BDH1: variants seen among roughly 807,000 people sequenced by gnomAD.
BDH1 encodes 3-hydroxybutyrate dehydrogenase 1.
A neutral mutation model predicts 33.1 loss-of-function variants in BDH1; 30 were observed. That is an observed-to-expected ratio of 0.91 (90% CI 0.68 to 1.23). BDH1 has a LOEUF of 1.23. BDH1 is among the 50% of genes most tolerant of loss of function. The probability of loss-of-function intolerance (pLI) is 0.00; values close to 1 mark genes in which losing one functional copy is unlikely to be tolerated. For synonymous variants in BDH1, 190 were observed against 183.6 expected, an observed-to-expected ratio of 1.03 and a Z score of -0.28; for missense variants, 443 against 464.4, an observed-to-expected ratio of 0.95 and a Z score of 0.42.
intron 2 of BDH1, among the ~76,000 whole-genome samples, chr3:197,550,324 T>A (rs1716451527): frequency 6.6e-6 from 1 of 152,164 alleles, no homozygotes; most frequent in East Asian, 1.9e-4. Flanking sequence ...GACACCTTGA[T>A]CGTCCTGAGA....
At position 197,546,344 on chromosome 3, in the gene BDH1, C is replaced by G. The variant is rs758464306; in HGVS notation, c.83+17G>C. On this transcript the variant is annotated intron_variant, in intron 3 of 7. Transcript: ENST00000392379. ...GAAAGTGTCCCCTCAAGGCCACCAC[C>G]ACCTCTGGTTGCTTACCTTGCTCCA... 1.9e-6 allele frequency: 3 copies of G among 1,613,792 alleles called. No homozygotes were observed. Among genetic ancestry groups the G allele is most frequent in the Middle Eastern group, 1.7e-4 (1 of 5,998 alleles).
At position 197,512,226 on chromosome 3, in the gene BDH1, C is replaced by A. The variant is rs1184027978; in HGVS notation, c.701G>T (p.Ser234Ile). 1 of 1,613,692 alleles carries A rather than the reference C, an allele frequency of 6.2e-7. No homozygotes were observed. The highest frequency in any genetic ancestry group is 8.5e-7 in the Non-Finnish European group (1 of 1,180,032). The stretch of plus-strand genomic sequence containing the variant: ...GATGAAGTTGCCGGGCTCCACCACG[C>A]TGACCTTCACGCCCAGGGGGTACAT... ...YEMYPLGVKV[S>I]VVEPGNFIAA... is the part of the protein sequence containing the mutation. Residue 234 changes from serine to isoleucine, a missense_variant, in exon 8 of 8, where the codon AGC (serine) becomes ATC (isoleucine). Transcript: ENST00000392379.
intron 1 of BDH1, among the ~76,000 whole-genome samples, chr3:197,569,668 C>T (rs577411832): frequency 6.6e-6 from 1 of 152,288 alleles, no homozygotes; most frequent in Admixed American, 6.5e-5. Flanking sequence ...TTTTGCTTGG[C>T]TTTCATCCTC....
In BDH1 at chr3:197,516,014, T is replaced by C. The variant is rs889306813; in HGVS notation, c.410-1598A>G. 2.6e-5 allele frequency among the ~76,000 whole-genome samples: 4 copies of C among 152,032 alleles called. No homozygotes were observed. Among genetic ancestry groups the C allele is most frequent in the African/African-American group, 9.7e-5 (4 of 41,394 alleles). ...CACGCAGTCTCCAGGGTCTCCAGGG[T>C]GGTACACCAAGGACCTCACCCCCAG... On this transcript the variant is annotated intron_variant, in intron 6 of 7. Transcript: ENST00000392379. This position sits in a 1 kb window ranked among gnomAD's most constrained non-coding sequence, Gnocchi z 4.2.
intron 2 of BDH1, among the ~76,000 whole-genome samples, chr3:197,551,301 C>A (rs1161129521): frequency 6.6e-6 from 1 of 152,206 alleles, no homozygotes; most frequent in Non-Finnish European, 1.5e-5. Context: ...TTAGCTCCTA[C>A]AAATAAGTGA....
chr3:197,553,878 A>G (rs564910643), intron 2 of BDH1, among the ~76,000 whole-genome samples: 49 of 152,348 alleles, frequency 3.2e-4, no homozygotes, highest in African/African-American at 1.1e-3. Flanking sequence ...AGGAAGAATC[A>G]AAGCCATTTC....
At chr3:197,536,549 C>T (rs1051353589) in intron 3 of BDH1, among the ~76,000 whole-genome samples, 1 of 152,106 alleles carries the variant, frequency 6.6e-6, no homozygotes, top group Non-Finnish European at 1.5e-5. Flanking sequence ...AGCATTTAAA[C>T]CATACATGCG....
chr3:197,544,097 A>G (rs1304961367), intron 3 of BDH1, among the ~76,000 whole-genome samples: 5 of 152,226 alleles, frequency 3.3e-5, no homozygotes, highest in African/African-American at 7.2e-5. Flanking sequence ...GCCCTTTCCA[A>G]CTGAGACTCA....
chr3:197,531,418 A>ATATATATATATATATATGTGT (rs1553872383), intron 5 of BDH1, among the ~76,000 whole-genome samples: 3 of 137,260 alleles, frequency 2.2e-5, no homozygotes, highest in African/African-American at 8.3e-5. Context: ...TTAAAAAAAA[A>ATATATATATATATATATGTGT]ATATATATAT....
At chr3:197,527,263 G>C (rs1714190469) in intron 5 of BDH1, among the ~76,000 whole-genome samples, 1 of 152,248 alleles carries the variant, frequency 6.6e-6, no homozygotes, top group Non-Finnish European at 1.5e-5. Flanking sequence ...TGAGAGCATA[G>C]AGTCAAGAAA....
intron 2 of BDH1, among the ~76,000 whole-genome samples, chr3:197,546,996 T>A (rs559253992): frequency 5.3e-5 from 8 of 152,158 alleles, no homozygotes; most frequent in Non-Finnish European, 1.2e-4. Flanking sequence ...TCCACCTCTT[T>A]CCCCCATGCG....
intron 6 of BDH1, among the ~76,000 whole-genome samples, chr3:197,517,397 G>A (rs1712881848): frequency 1.4e-5 from 1 of 70,852 alleles, no homozygotes; most frequent in East Asian, 4.4e-4. Context: ...CCCCTCCTCA[G>A]GCTGACCCCC....
At chr3:197,567,408 T>C (rs1476205094) in intron 1 of BDH1, among the ~76,000 whole-genome samples, 1 of 152,198 alleles carries the variant, frequency 6.6e-6, no homozygotes, top group Non-Finnish European at 1.5e-5. Context: ...TTGCCTCCTT[T>C]GGAAAGGCTA....
intron 5 of BDH1, among the ~76,000 whole-genome samples, chr3:197,524,820 G>A (rs1713929972): frequency 6.6e-6 from 1 of 152,078 alleles, no homozygotes; most frequent in South Asian, 2.1e-4. Context: ...AGGAGGTCGG[G>A]CTGATCTCCC....
chr3:197,567,288 C>CA (rs1717464234), intron 1 of BDH1, among the ~76,000 whole-genome samples: 2 of 152,120 alleles, frequency 1.3e-5, no homozygotes. Context: ...CTTGGGGTCC[C>CA]AAAATCACTA....
chr3:197,518,045 C>T (rs1713005649), intron 6 of BDH1, among the ~76,000 whole-genome samples: 1 of 5,034 alleles, frequency 2.0e-4, no homozygotes, highest in African/African-American at 9.2e-4. Flanking sequence ...CAGGCTGACC[C>T]CCCCCATCAG....
In BDH1 at chr3:197,523,157, C is replaced by A. The variant is rs1280574322; in HGVS notation, c.268-376G>T. On this transcript the variant is annotated intron_variant, in intron 5 of 7. Coordinates refer to ENST00000392379, the MANE Select transcript of BDH1 (RefSeq NM_203314.3). This position sits in a 1 kb window ranked among gnomAD's most constrained non-coding sequence, Gnocchi z 4.5. ...GAAACCCAGGGTTGCCAGATGCTTACATTTTTAAGCTAGTAATTGGGAAAT... is the reference window on the plus strand; with the variant it reads ...GAAACCCAGGGTTGCCAGATGCTTAAATTTTTAAGCTAGTAATTGGGAAAT... 2 of 219,966 alleles carry A rather than the reference C, an allele frequency of 9.1e-6. No individual in the cohort carries two copies. Among genetic ancestry groups the A allele is most frequent in the Non-Finnish European group, 1.8e-5 (2 of 113,238 alleles). 13.6% of individuals were successfully genotyped at this position (219,966 alleles called of 1,614,324 possible).
At chr3:197,537,882 C>A (rs1384552649) in intron 3 of BDH1, among the ~76,000 whole-genome samples, 1 of 152,162 alleles carries the variant, frequency 6.6e-6, no homozygotes, top group Admixed American at 6.5e-5. Flanking sequence ...CTGCACTGGT[C>A]ATTTGGCTAG....
At chr3:197,533,689 T>A in intron 3 of BDH1, 128 bp from the exon 4 acceptor site, 1 of 815,184 alleles carries the variant, frequency 1.2e-6, no homozygotes, top group Non-Finnish European at 2.0e-6. Flanking sequence ...TACAACTGAG[T>A]AAGAGGCCCT....
Sources: gnomAD v4.1 joint callset for allele counts (sites outside exome capture counted in the v4.1 genomes callset) on GRCh38, gnomAD v4.1.1 for gene constraint, Gnocchi (gnomAD v3.1) non-coding constraint, MANE v1.5 for transcripts, NCBI Gene and HGNC (gene_info 2026-07-23, HGNC 2026-07-21) for gene names.